BRINP3: variants seen among roughly 807,000 people sequenced by gnomAD.
The protein encoded by BRINP3 is BMP/retinoic acid-inducible neural-specific protein 3.
In BRINP3, 19 loss-of-function variants were observed where a neutral mutation model predicts 71.0. The observed-to-expected ratio is 0.27, with a 90% CI of 0.19 to 0.39. The LOEUF is 0.39. Among genes scored for constraint, BRINP3 ranks in the 10% least tolerant of loss-of-function variants. The pLI, the probability that BRINP3 is intolerant of heterozygous loss-of-function variation, is 1.00. For missense variants in BRINP3, 959 were observed against 940.8 expected, an observed-to-expected ratio of 1.02 and a Z score of -0.25; for synonymous variants, 380 against 337.7, an observed-to-expected ratio of 1.13 and a Z score of -1.37.
intron 7 of BRINP3, 40 bp from the exon 8 acceptor site, chr1:190,099,174 G>T (rs1472074210): frequency 1.3e-6 from 2 of 1,578,450 alleles, no homozygotes; most frequent in African/African-American, 2.7e-5. Context: ...TAAATACAAA[G>T]ATATTCTGTG....
intron 2 of BRINP3, among the ~76,000 whole-genome samples, chr1:190,442,478 G>A (rs1674891737): frequency 6.6e-6 from 1 of 152,074 alleles, no homozygotes; most frequent in Non-Finnish European, 1.5e-5. Flanking sequence ...GCAAAGCCCA[G>A]GCCATTCTCT....
intron 5 of BRINP3, among the ~76,000 whole-genome samples, chr1:190,226,579 G>T (rs1275546582): frequency 1.3e-5 from 2 of 151,910 alleles, no homozygotes; most frequent in African/African-American, 4.8e-5. Context: ...CAGACTATTT[G>T]ATGTAATTTA....
intron 2 of BRINP3, among the ~76,000 whole-genome samples, chr1:190,376,908 G>T (rs1024241397): frequency 6.6e-6 from 1 of 151,838 alleles, no homozygotes; most frequent in Non-Finnish European, 1.5e-5. Flanking sequence ...AAATATCCAC[G>T]CATGGTCTAG....
chr1:190,356,066 G>A (rs1179646072), intron 2 of BRINP3, among the ~76,000 whole-genome samples: 1 of 151,732 alleles, frequency 6.6e-6, no homozygotes, highest in African/African-American at 2.4e-5. Flanking sequence ...TCAAAATGTT[G>A]GCCAGTAAGA....
intron 6 of BRINP3, among the ~76,000 whole-genome samples, chr1:190,220,964 G>C (rs1656832249): frequency 6.6e-6 from 1 of 152,094 alleles, no homozygotes; most frequent in Non-Finnish European, 1.5e-5. Context: ...AACAGTAATA[G>C]CTATAGCAAC....
intron 2 of BRINP3, among the ~76,000 whole-genome samples, chr1:190,450,804 C>T (rs1675555145): frequency 6.6e-6 from 1 of 151,870 alleles, no homozygotes; most frequent in Non-Finnish European, 1.5e-5. Flanking sequence ...CTGCTTTTCT[C>T]ATATGGATAC....
chr1:190,107,581 G>T (rs1046415591), intron 7 of BRINP3, among the ~76,000 whole-genome samples: 9 of 151,844 alleles, frequency 5.9e-5, no homozygotes, highest in African/African-American at 1.9e-4. Context: ...TTGTATAATA[G>T]ATTCTTATCT....
At chr1:190,194,188 C>A (rs1654283780) in intron 6 of BRINP3, among the ~76,000 whole-genome samples, 1 of 152,008 alleles carries the variant, frequency 6.6e-6, no homozygotes, top group Admixed American at 6.6e-5. Context: ...AAGGAAGACG[C>A]AACATGACCC....
intron 4 of BRINP3, among the ~76,000 whole-genome samples, chr1:190,245,730 C>G (rs892818175): frequency 1.4e-4 from 21 of 150,562 alleles, no homozygotes; most frequent in African/African-American, 4.6e-4. Flanking sequence ...TTAGGTATAT[C>G]TCCTAATGCT....
At chr1:190,461,183 T>C (rs1676373559) in intron 1 of BRINP3, among the ~76,000 whole-genome samples, 1 of 152,210 alleles carries the variant, frequency 6.6e-6, no homozygotes, top group Non-Finnish European at 1.5e-5. Context: ...TCTCTATCCA[T>C]ATCTTTCTTA....
At chr1:190,196,644 A>T (rs1439781836) in intron 6 of BRINP3, among the ~76,000 whole-genome samples, 2 of 152,086 alleles carry the variant, frequency 1.3e-5, no homozygotes, top group African/African-American at 4.8e-5. Flanking sequence ...GTGGTTGGCC[A>T]CATTAACTGA....
intron 2 of BRINP3, among the ~76,000 whole-genome samples, chr1:190,451,193 A>T (rs1015498776): frequency 4.6e-5 from 7 of 151,550 alleles, no homozygotes; most frequent in Non-Finnish European, 8.8e-5. Flanking sequence ...GAAAGAAAAA[A>T]AAAATTTTTG....
At chr1:190,255,380 CT>C (rs1660570386) in intron 4 of BRINP3, among the ~76,000 whole-genome samples, 1 of 151,980 alleles carries the variant, frequency 6.6e-6, no homozygotes, top group South Asian at 2.1e-4. Context: ...CTTTGTACCC[CT>C]GGTATAATTT....
chr1:190,298,811 T>A (rs1283416061), intron 2 of BRINP3, among the ~76,000 whole-genome samples: 2 of 152,152 alleles, frequency 1.3e-5, no homozygotes, highest in East Asian at 1.9e-4. Context: ...ATATATATAT[T>A]GACTAGATCA....
At chr1:190,321,580 G>A (rs1414518567) in intron 2 of BRINP3, among the ~76,000 whole-genome samples, 2 of 152,118 alleles carry the variant, frequency 1.3e-5, no homozygotes, top group Admixed American at 1.3e-4. Flanking sequence ...CTCTTGATTA[G>A]GAAACAACAA....
chr1:190,158,309 A>T (rs572538152), intron 7 of BRINP3, among the ~76,000 whole-genome samples: 9 of 151,958 alleles, frequency 5.9e-5, no homozygotes, highest in Non-Finnish European at 1.3e-4. Flanking sequence ...TGAGGCCTCC[A>T]CCAGCCATGT....
intron 2 of BRINP3, among the ~76,000 whole-genome samples, chr1:190,411,219 A>G (rs1168477695): frequency 4.6e-5 from 7 of 152,156 alleles, no homozygotes. Context: ...GGTCTTATCA[A>G]TTGATAGAGG....
chr1:190,429,065 T>C (rs1056111080), intron 2 of BRINP3, among the ~76,000 whole-genome samples: 2 of 152,122 alleles, frequency 1.3e-5, no homozygotes, highest in East Asian at 3.9e-4. Context: ...CATTTACTCA[T>C]TCAGTCAACA....
At chr1:190,454,536 T>C (rs1675856290) in intron 2 of BRINP3, 119 bp downstream of exon 2, 1 of 719,506 alleles carries the variant, frequency 1.4e-6, no homozygotes, top group Non-Finnish European at 2.3e-6. Flanking sequence ...TGGTGCATGG[T>C]AAATAACAAC....
Sources: gnomAD v4.1 joint callset for allele counts (sites outside exome capture counted in the v4.1 genomes callset) on GRCh38, gnomAD v4.1.1 for gene constraint, MANE v1.5 for transcripts, NCBI Gene and HGNC (gene_info 2026-07-23, HGNC 2026-07-21) for gene names.